Variants in KAZN observed in about 807,000 individuals in gnomAD.
KAZN encodes kazrin.
A neutral mutation model predicts 87.4 loss-of-function variants in KAZN; 40 were observed. The ratio of observed to expected loss-of-function variants is 0.46; its 90% CI spans 0.36 to 0.60. The LOEUF (loss-of-function observed/expected upper bound fraction) is 0.60. Among genes scored for constraint, KAZN ranks in the 20% least tolerant of loss-of-function variants. KAZN has a pLI of 0.00. For missense variants in KAZN, 898 were observed against 1,073.9 expected (o/e 0.84, Z 2.29); for synonymous variants, 466 against 458.3 (o/e 1.02, Z -0.22).
chr1:14,037,920 C>G (rs945770049), intron 1 of KAZN, among the ~76,000 whole-genome samples: 2 of 152,158 alleles, frequency 1.3e-5, no homozygotes, highest in Non-Finnish European at 2.9e-5. Flanking sequence ...TGCACTGGTG[C>G]ATATGTAGAA....
chr1:14,425,855 A>G (rs1297703018), intron 2 of KAZN, among the ~76,000 whole-genome samples: 2 of 152,142 alleles, frequency 1.3e-5, no homozygotes, highest in Non-Finnish European at 2.9e-5. Flanking sequence ...GGTGGAAATG[A>G]GATTTGAGTC....
At chr1:14,544,350 C>CTTTCTTTTTTTTTT (rs1553186409) in intron 2 of KAZN, among the ~76,000 whole-genome samples, 2 of 98,118 alleles carry the variant, frequency 2.0e-5, no homozygotes, top group Non-Finnish European at 3.8e-5. Context: ...TTCTTTCTTT[C>CTTTCTTTTTTTTTT]TTTTTTTTTT....
At chr1:15,012,613 C>A (rs1669687929) in intron 2 of KAZN, among the ~76,000 whole-genome samples, 1 of 152,172 alleles carries the variant, frequency 6.6e-6, no homozygotes, top group Admixed American at 6.5e-5. Flanking sequence ...CTCTTGAAAA[C>A]CTCTGCACAG....
At chr1:15,034,943 G>C in intron 3 of KAZN, 58 bp downstream of exon 3, 2 of 1,594,392 alleles carry the variant, frequency 1.3e-6, no homozygotes, top group Non-Finnish European at 1.7e-6. Context: ...CACCTCCCCT[G>C]CTGGCTGGCC....
At chr1:14,471,599 C>T (rs1033712995) in intron 2 of KAZN, among the ~76,000 whole-genome samples, 15 of 152,270 alleles carry the variant, frequency 9.9e-5, no homozygotes, top group African/African-American at 2.9e-4. Context: ...TGTACCCAGA[C>T]CACCATGTAC....
At chr1:14,686,458 C>T (rs969042242) in intron 1 of KAZN, among the ~76,000 whole-genome samples, 11 of 152,320 alleles carry the variant, frequency 7.2e-5, no homozygotes, top group African/African-American at 2.2e-4. Flanking sequence ...GTGGTCCCCT[C>T]GCCTCTCCAA....
chr1:14,871,443 C>G (rs962123712), intron 1 of KAZN, among the ~76,000 whole-genome samples: 1 of 152,024 alleles, frequency 6.6e-6, no homozygotes, highest in African/African-American at 2.4e-5. Flanking sequence ...GAATGGGAAA[C>G]TGGGGAAAAG....
chr1:14,576,151 G>A (rs1037242878), intron 2 of KAZN, among the ~76,000 whole-genome samples: 1 of 152,174 alleles, frequency 6.6e-6, no homozygotes, highest in Non-Finnish European at 1.5e-5. Flanking sequence ...AACCTCTCAA[G>A]CCTTAGTTGT....
At chr1:14,660,906 T>A (rs932527979) in intron 1 of KAZN, among the ~76,000 whole-genome samples, 3 of 152,150 alleles carry the variant, frequency 2.0e-5, no homozygotes, top group Non-Finnish European at 4.4e-5. Flanking sequence ...TGCACCTCTA[T>A]CTAATGGGCC....
intron 1 of KAZN, among the ~76,000 whole-genome samples, chr1:14,088,493 G>A (rs1229696295): frequency 6.6e-6 from 1 of 151,814 alleles, no homozygotes; most frequent in Non-Finnish European, 1.5e-5. Context: ...TTCCATTGTG[G>A]TCAGAGATTT....
intron 8 of KAZN, among the ~76,000 whole-genome samples, chr1:15,092,065 T>TTG (rs1640564630): frequency 2.0e-5 from 3 of 150,000 alleles, no homozygotes; most frequent in Non-Finnish European, 2.9e-5. Flanking sequence ...TTTTTGTTTT[T>TTG]TTTTTTGATT....
rs1008802716 is a variant in KAZN at position 15,043,926 on chromosome 1, T to C, written c.556-63T>C. On this transcript the variant is annotated intron_variant, in intron 3 of 14. Transcript: ENST00000376030. ...CTAGGAGTTAGGCCCCCTCTAGGCA[T>C]CCCTGGGCCAGGAGGAGCCTGGCTG... 67 of 1,502,114 alleles carry C rather than the reference T, an allele frequency of 4.5e-5. No individual in the cohort carries two copies. The African/African-American group carries it at 8.8e-4, about 20-fold the overall frequency. 93.0% of individuals were successfully genotyped at this position (1,502,114 alleles called of 1,614,324 possible).
At chr1:14,142,789 C>T (rs1645267662) in intron 1 of KAZN, among the ~76,000 whole-genome samples, 1 of 152,184 alleles carries the variant, frequency 6.6e-6, no homozygotes, top group Non-Finnish European at 1.5e-5. Context: ...TTCTCCACCC[C>T]TTGCCCCCTC....
chr1:15,055,771 C>T (rs536313114), intron 4 of KAZN, among the ~76,000 whole-genome samples: 1 of 152,186 alleles, frequency 6.6e-6, no homozygotes, highest in Non-Finnish European at 1.5e-5. Context: ...TGGCCAGGCC[C>T]TGGCACAGTT....
intron 1 of KAZN, among the ~76,000 whole-genome samples, chr1:13,945,720 A>T (rs987717344): frequency 2.2e-3 from 239 of 108,970 alleles, no homozygotes; most frequent in Middle Eastern, 0.011. Context: ...TGAGAGAGAG[A>T]GAGAGAGAGA....
chr1:14,176,388 T>A (rs569925476), intron 1 of KAZN, among the ~76,000 whole-genome samples: 1 of 152,240 alleles, frequency 6.6e-6, no homozygotes, highest in East Asian at 1.9e-4. Flanking sequence ...CTCTGTAACT[T>A]AAAATGCCAC....
At chr1:14,687,423 G>C (rs1208074723) in intron 1 of KAZN, among the ~76,000 whole-genome samples, 1 of 152,224 alleles carries the variant, frequency 6.6e-6, no homozygotes, top group Non-Finnish European at 1.5e-5. Context: ...GCGGCTCCAA[G>C]GGAGGTGTAG....
intron 1 of KAZN, among the ~76,000 whole-genome samples, chr1:14,780,812 A>G (rs1645312260): frequency 6.6e-6 from 1 of 152,256 alleles, no homozygotes; most frequent in East Asian, 1.9e-4. Context: ...TCTAGAGTGA[A>G]TTGAGTCCTG....
At chr1:14,821,904 A>G (rs1176017098) in intron 1 of KAZN, among the ~76,000 whole-genome samples, 4 of 152,182 alleles carry the variant, frequency 2.6e-5, no homozygotes, top group African/African-American at 9.6e-5. Flanking sequence ...CCCTCAGTAG[A>G]GCTCTCAGCT....
Sources: allele counts gnomAD v4.1 joint callset (sites outside exome capture counted in the v4.1 genomes callset), GRCh38; gene constraint gnomAD v4.1.1; transcripts MANE v1.5; gene names NCBI Gene and HGNC (gene_info 2026-07-23, HGNC 2026-07-21).